Variants in UCHL3 observed in about 807,000 individuals in gnomAD.
The protein encoded by UCHL3 is ubiquitin C-terminal hydrolase L3.
In UCHL3, 22 loss-of-function variants were observed where a neutral mutation model predicts 35.8. The ratio of observed to expected loss-of-function variants is 0.61; its 90% CI spans 0.44 to 0.88. The LOEUF (loss-of-function observed/expected upper bound fraction) is 0.88. Ranked by LOEUF, UCHL3 falls within the 40% of genes least tolerant of loss-of-function variation. UCHL3 has a pLI of 0.00. For missense variants in UCHL3, 229 were observed against 276.9 expected (o/e 0.83, Z 1.23); for synonymous variants, 90 against 92.8 (o/e 0.97, Z 0.17).
chr13:75,550,110 T>A, intron 2 of UCHL3, 123 bp downstream of exon 2: 1 of 1,480,542 alleles, frequency 6.8e-7, no homozygotes, highest in Non-Finnish European at 9.4e-7. Flanking sequence ...AGGGCCCCTC[T>A]TGTTCGGCTT....
chr13:75,568,942 G>A (rs2031771221), intron 5 of UCHL3, among the ~76,000 whole-genome samples: 1 of 152,128 alleles, frequency 6.6e-6, no homozygotes, highest in South Asian at 2.1e-4. Flanking sequence ...TACTATAAGA[G>A]TGGTTTTTTT....
intron 6 of UCHL3, among the ~76,000 whole-genome samples, chr13:75,575,405 T>C (rs1020534553): frequency 2.0e-5 from 3 of 152,214 alleles, no homozygotes; most frequent in Non-Finnish European, 4.4e-5. Flanking sequence ...GGAAATTAAA[T>C]TATTAGTGGC....
At position 75,569,506 on chromosome 13, in the gene UCHL3, A is replaced by T; in HGVS notation, c.473A>T (p.Glu158Val). ...ACCAGTGCCCATGAAGGTCAGACTG[A>T]GGTATTTCACATTTTTTCTAAATTT... is the stretch of plus-strand genomic sequence containing the variant. The part of the protein sequence containing the change: ...HETSAHEGQT[E>V]APSIDEKVDL... Residue 158 changes from glutamate (E) to valine (V), a missense_variant and splice_region_variant, in exon 6 of 9, where the codon GAG becomes GTG. Physicochemically the swap from Glu to Val is moderately radical, Grantham distance 121 (BLOSUM62 -2). Coordinates refer to ENST00000377595, the MANE Select transcript of UCHL3 (RefSeq NM_006002.5). 1 of 1,608,306 alleles carries T rather than the reference A, an allele frequency of 6.2e-7. No homozygotes were observed. The highest frequency in any genetic ancestry group is 8.5e-7 in the Non-Finnish European group (1 of 1,177,944).
At chr13:75,567,152 A>G (rs1735751420) in intron 4 of UCHL3, 75 bp from the exon 5 acceptor site, 1 of 1,318,084 alleles carries the variant, frequency 7.6e-7, no homozygotes, top group Non-Finnish European at 1.1e-6. Context: ...ATAGTAGCAT[A>G]CTTCTAGTAT....
intron 3 of UCHL3, among the ~76,000 whole-genome samples, chr13:75,564,433 AGCCACTACGCCTG>A (rs1325314085): frequency 1.3e-5 from 2 of 152,112 alleles, no homozygotes; most frequent in African/African-American, 4.8e-5. Flanking sequence ...TACAGGTGTG[AGCCACTACGCCTG>A]GCCTAAAGTG....
chr13:75,575,245 C>T (rs992513062), intron 6 of UCHL3, among the ~76,000 whole-genome samples: 2 of 152,156 alleles, frequency 1.3e-5, no homozygotes, highest in Non-Finnish European at 2.9e-5. Context: ...TCCATCCCAC[C>T]GTGATTGTCT....
intron 6 of UCHL3, among the ~76,000 whole-genome samples, chr13:75,592,438 A>ACG (rs1555276740): frequency 2.0e-4 from 7 of 35,502 alleles, no homozygotes; most frequent in Non-Finnish European, 4.8e-4. Flanking sequence ...ATATATATAT[A>ACG]TATATATATA....
chr13:75,555,639 AATT>A (rs1271516399), intron 2 of UCHL3, among the ~76,000 whole-genome samples: 1 of 152,064 alleles, frequency 6.6e-6, no homozygotes, highest in Non-Finnish European at 1.5e-5. Context: ...TAAGTAGAAG[AATT>A]ATATTTCTTT....
intron 2 of UCHL3, 98 bp from the exon 3 acceptor site, chr13:75,560,655 T>TAA (rs1423217395): frequency 2.6e-6 from 3 of 1,155,466 alleles, no homozygotes; most frequent in Non-Finnish European, 3.6e-6. Flanking sequence ...GAGTACATAT[T>TAA]TGTTGATCAT....
chr13:75,587,617 A>G (rs991850607), intron 6 of UCHL3, among the ~76,000 whole-genome samples: 1 of 152,220 alleles, frequency 6.6e-6, no homozygotes, highest in Non-Finnish European at 1.5e-5. Context: ...CAGATGATAA[A>G]GCAAATGGAA....
Position 75,549,826 on chromosome 13 carries a change from G to T in UCHL3, c.6G>T (p.Glu2Asp). 1.9e-6 allele frequency: 3 copies of T among 1,589,276 alleles called. No individual in the cohort carries two copies. The highest frequency in any genetic ancestry group is 8.6e-7 in the Non-Finnish European group (1 of 1,169,476). The change falls in exon 1 of 9, where the codon GAG becomes GAT. Residue 2 changes from glutamate to aspartate, a missense_variant. Coordinates refer to ENST00000377595, the MANE Select transcript of UCHL3 (RefSeq NM_006002.5). Reference protein sequence around the residue: MEGQRWLPLEAN... With the variant: MDGQRWLPLEAN... ...GAGGGCCGGGCACCGCGGCCATGGA[G>T]GGTCAACGCTGGCTGCCGCTGGAGG...
chr13:75,592,765 A>G (rs999855202), intron 6 of UCHL3, among the ~76,000 whole-genome samples: 1 of 151,784 alleles, frequency 6.6e-6, no homozygotes, highest in Non-Finnish European at 1.5e-5. Flanking sequence ...CCTTTTTAGA[A>G]TTTTGTATTT....
intron 3 of UCHL3, among the ~76,000 whole-genome samples, chr13:75,565,604 C>T (rs1035265523): frequency 6.6e-6 from 1 of 152,110 alleles, no homozygotes. Context: ...GTGTCTGTTG[C>T]AACTATTTGA....
chr13:75,585,328 A>G (rs914845164), intron 6 of UCHL3, among the ~76,000 whole-genome samples: 2 of 152,222 alleles, frequency 1.3e-5, no homozygotes, highest in African/African-American at 4.8e-5. Flanking sequence ...AAGACAGAGT[A>G]GATACTAAGA....
chr13:75,597,432 A>G (rs769701429), intron 7 of UCHL3, among the ~76,000 whole-genome samples: 6 of 152,198 alleles, frequency 3.9e-5, no homozygotes, highest in African/African-American at 7.2e-5. Flanking sequence ...TCAAAGTTCA[A>G]TTTGCTCTCT....
rs544082700 is a variant in UCHL3, at chr13:75,555,017, A to G, written c.54+5030A>G. ...GTATTTGGTTTTCTGTTCTTGCATT[A>G]GTTTGCTAAGGATAATGGCATCCAG... On this transcript the variant is annotated intron_variant, in intron 2 of 8. Transcript: ENST00000377595. 2.6e-5 allele frequency among the ~76,000 whole-genome samples: 4 copies of G among 152,280 alleles called. No homozygotes were observed. The East Asian group carries it at 7.7e-4, about 29-fold the overall frequency.
chr13:75,562,523 C>T (rs1014239538), intron 3 of UCHL3, among the ~76,000 whole-genome samples: 4 of 151,774 alleles, frequency 2.6e-5, no homozygotes, highest in African/African-American at 9.7e-5. Context: ...TTGTAATGAA[C>T]AGTAAATAAT....
intron 2 of UCHL3, among the ~76,000 whole-genome samples, chr13:75,554,704 T>C (rs1727909236): frequency 6.6e-6 from 1 of 152,234 alleles, no homozygotes. Context: ...CTGCTTATCA[T>C]ACTCTACTGG....
rs368176284 is a variant in UCHL3, at chr13:75,578,468, A to C, written c.474+8961A>C. ...AATCAGATAACCTGTTTGAGCACCT[A>C]CTGTACTAGGCACTGTGCTTATAAT... On this transcript the variant is annotated intron_variant, in intron 6 of 8. Coordinates refer to ENST00000377595, the MANE Select transcript of UCHL3 (RefSeq NM_006002.5). Among the ~76,000 whole-genome samples the C allele has an allele frequency of 1.7e-4, 26 of 152,094 alleles. 1 individual carries two copies. Among genetic ancestry groups the C allele is most frequent in the East Asian group, 1.3e-3 (7 of 5,206 alleles).
Sources: gnomAD v4.1 joint callset for allele counts (sites outside exome capture counted in the v4.1 genomes callset) on GRCh38, gnomAD v4.1.1 for gene constraint, MANE v1.5 for transcripts, NCBI Gene and HGNC (gene_info 2026-07-23, HGNC 2026-07-21) for gene names.